The following CDH18 variants were observed in gnomAD, a reference collection of about 807,000 sequenced individuals.
CDH18 encodes cadherin-18.
A neutral mutation model predicts 67.9 loss-of-function variants in CDH18; 31 were observed. The observed-to-expected ratio is 0.46, with a 90% CI of 0.34 to 0.62. The LOEUF is 0.62. CDH18 is among the 20% of genes least tolerant of loss of function. The pLI, the probability that CDH18 is intolerant of heterozygous loss-of-function variation, is 0.01. For missense variants in CDH18, 890 were observed against 975.5 expected, an observed-to-expected ratio of 0.91 and a Z score of 1.17; for synonymous variants, 362 against 347.2, an observed-to-expected ratio of 1.04 and a Z score of -0.48.
intron 2 of CDH18, among the ~76,000 whole-genome samples, chr5:20,052,838 CA>C (rs1410897349): frequency 6.6e-6 from 1 of 152,060 alleles, no homozygotes; most frequent in East Asian, 1.9e-4. Flanking sequence ...TAAAGATACA[CA>C]CTAGCTAAGA....
chr5:19,898,619 T>C (rs543638841), intron 2 of CDH18, among the ~76,000 whole-genome samples: 10 of 78,530 alleles, frequency 1.3e-4, no homozygotes, highest in Non-Finnish European at 2.6e-4. Context: ...AATTCTTAAT[T>C]ATATATGGAA....
chr5:19,706,423 T>G (rs1315691193), intron 5 of CDH18, among the ~76,000 whole-genome samples: 3 of 152,242 alleles, frequency 2.0e-5, no homozygotes, highest in African/African-American at 7.2e-5. Context: ...AAAGCTATTA[T>G]CCAGCATTGC....
At chr5:19,550,721 CA>C (rs36062346) in intron 8 of CDH18, among the ~76,000 whole-genome samples, 86,478 of 151,860 alleles carry the variant, frequency 0.57, 25,604 homozygotes, top group Middle Eastern at 0.71. Flanking sequence ...CCACAATAAA[CA>C]TATGTGTGCA....
At chr5:20,098,393 C>G (rs1580236810) in intron 2 of CDH18, among the ~76,000 whole-genome samples, 1 of 152,022 alleles carries the variant, frequency 6.6e-6, no homozygotes. Flanking sequence ...ATCAAAATAA[C>G]AAATCCATCC....
At chr5:20,424,866 A>G (rs1748169308) in intron 1 of CDH18, among the ~76,000 whole-genome samples, 1 of 150,152 alleles carries the variant, frequency 6.7e-6, no homozygotes. Context: ...GAATCCCAGA[A>G]CCACAGAATG....
chr5:20,411,442 C>T (rs374384321), intron 1 of CDH18, among the ~76,000 whole-genome samples: 1 of 151,704 alleles, frequency 6.6e-6, no homozygotes, highest in African/African-American at 2.4e-5. Flanking sequence ...CAAAAATCAA[C>T]AAAAATGGAT....
Position 20,192,687 on chromosome 5 carries a change from T to C in CDH18, c.-518+62757A>G, listed in dbSNP as rs183987481. Among the ~76,000 whole-genome samples, 4 of 152,234 alleles carry C rather than the reference T, an allele frequency of 2.6e-5. No individual in the cohort carries two copies. The East Asian group carries it at 7.8e-4, about 30-fold the overall frequency. ...GACGTGTAGTGTTATTTCTGAGGTCTTTCTTCTGCTCCATTGGTCTATATG... is the reference window on the plus strand; with the variant it reads ...GACGTGTAGTGTTATTTCTGAGGTCCTTCTTCTGCTCCATTGGTCTATATG... On this transcript the variant is annotated intron_variant, in intron 2 of 14. Transcript: ENST00000507958.
intron 2 of CDH18, among the ~76,000 whole-genome samples, chr5:19,866,858 G>A (rs1360930599): frequency 2.0e-5 from 3 of 152,260 alleles, no homozygotes; most frequent in Middle Eastern, 3.4e-3. Context: ...TTGGGAGGCC[G>A]AAGCAGGCGG....
intron 2 of CDH18, among the ~76,000 whole-genome samples, chr5:19,841,000 A>C (rs1207890833): frequency 6.6e-6 from 1 of 152,204 alleles, no homozygotes; most frequent in East Asian, 1.9e-4. Flanking sequence ...ATAATTGGTT[A>C]CAGCATGATT....
chr5:20,246,660 T>G (rs1005184317), intron 2 of CDH18, among the ~76,000 whole-genome samples: 6 of 152,194 alleles, frequency 3.9e-5, no homozygotes, highest in Non-Finnish European at 7.3e-5. Flanking sequence ...CCATGATGCA[T>G]TTATGGGTGA....
intron 10 of CDH18, among the ~76,000 whole-genome samples, chr5:19,511,996 G>C (rs534629657): frequency 2.6e-5 from 4 of 152,216 alleles, no homozygotes; most frequent in East Asian, 3.9e-4. Flanking sequence ...AGGAAAAACT[G>C]TTTTTGTGGG....
intron 2 of CDH18, among the ~76,000 whole-genome samples, chr5:19,871,286 A>G (rs1786250022): frequency 1.3e-5 from 2 of 152,246 alleles, no homozygotes; most frequent in Admixed American, 1.3e-4. Flanking sequence ...ATATTAAAAT[A>G]GCAAATAAAA....
intron 4 of CDH18, among the ~76,000 whole-genome samples, chr5:19,741,747 T>C (rs956450840): frequency 1.4e-4 from 22 of 152,130 alleles, no homozygotes; most frequent in Non-Finnish European, 2.4e-4. Flanking sequence ...ATTCTTTATA[T>C]TGCATGTTCC....
intron 2 of CDH18, among the ~76,000 whole-genome samples, chr5:20,196,507 T>G (rs747005468): frequency 6.6e-6 from 1 of 152,180 alleles, no homozygotes; most frequent in African/African-American, 2.4e-5. Flanking sequence ...AAGTATTAAA[T>G]GTGTAGTATC....
At chr5:19,865,709 C>G (rs1785408190) in intron 2 of CDH18, among the ~76,000 whole-genome samples, 1 of 152,132 alleles carries the variant, frequency 6.6e-6, no homozygotes, top group Admixed American at 6.5e-5. Context: ...TAATCTCTAC[C>G]AGCTCTCTTG....
At chr5:19,771,210 CT>C (rs1360039501) in intron 3 of CDH18, among the ~76,000 whole-genome samples, 4 of 152,128 alleles carry the variant, frequency 2.6e-5, no homozygotes, top group Non-Finnish European at 5.9e-5. Context: ...GTAATGTCGT[CT>C]TTTTGAGTTT....
intron 5 of CDH18, among the ~76,000 whole-genome samples, chr5:19,665,722 G>GTTAC (rs1243233967): frequency 2.6e-5 from 4 of 151,988 alleles, no homozygotes; most frequent in African/African-American, 9.7e-5. Flanking sequence ...CATGGAAATG[G>GTTAC]GTAATTGGGT....
chr5:20,146,008 T>C (rs1326737270), intron 2 of CDH18, among the ~76,000 whole-genome samples: 3 of 152,168 alleles, frequency 2.0e-5, no homozygotes. Context: ...TCTCCCACAG[T>C]GTACTCCAAG....
intron 1 of CDH18, among the ~76,000 whole-genome samples, chr5:20,335,973 GA>G (rs1739689079): frequency 1.3e-5 from 2 of 152,094 alleles, no homozygotes; most frequent in African/African-American, 4.8e-5. Flanking sequence ...TTGTGTAGAG[GA>G]AAAATTTTTT....
Sources: allele counts gnomAD v4.1 joint callset (sites outside exome capture counted in the v4.1 genomes callset), GRCh38; gene constraint gnomAD v4.1.1; transcripts MANE v1.5; gene names NCBI Gene and HGNC (gene_info 2026-07-23, HGNC 2026-07-21).